The following RANBP3 variants were observed in gnomAD, a reference collection of about 807,000 sequenced individuals.
The protein encoded by RANBP3 is ran-binding protein 3.
RANBP3 carries 14 observed loss-of-function variants against 77.3 expected under a neutral mutation model. The ratio of observed to expected loss-of-function variants is 0.18; its 90% CI spans 0.12 to 0.28. The LOEUF is 0.28. Ranked by LOEUF, RANBP3 falls within the 10% of genes least tolerant of loss-of-function variation. The pLI is 1.00. For missense variants in RANBP3, 586 were observed against 752.3 expected (o/e 0.78, Z 2.59); for synonymous variants, 315 against 312.4 (o/e 1.01, Z -0.09).
At chr19:5,938,085 G>C (rs2058089377) in intron 5 of RANBP3, among the ~76,000 whole-genome samples, 1 of 152,184 alleles carries the variant, frequency 6.6e-6, no homozygotes, top group Non-Finnish European at 1.5e-5. Flanking sequence ...TGCTTTTAGA[G>C]TCAAAATGCC....
chr19:5,967,352 T>C (rs1198398743), intron 1 of RANBP3, among the ~76,000 whole-genome samples: 1 of 152,220 alleles, frequency 6.6e-6, no homozygotes, highest in Non-Finnish European at 1.5e-5. Context: ...ATCTTGGCAT[T>C]ACCTTCAACT....
At chr19:5,968,406 C>T (rs1161121347) in intron 1 of RANBP3, among the ~76,000 whole-genome samples, 1 of 152,200 alleles carries the variant, frequency 6.6e-6, no homozygotes, top group African/African-American at 2.4e-5. Context: ...TATTTCACCC[C>T]AGGCAGCTTC....
chr19:5,945,944 GC>G (rs1250555688), intron 3 of RANBP3, among the ~76,000 whole-genome samples: 2 of 151,714 alleles, frequency 1.3e-5, no homozygotes, highest in African/African-American at 2.4e-5. Flanking sequence ...ATTAGCTCTA[GC>G]CCCCCGAGAA....
chr19:5,949,283 G>C (rs1030460292), intron 3 of RANBP3, among the ~76,000 whole-genome samples: 3 of 152,266 alleles, frequency 2.0e-5, no homozygotes, highest in African/African-American at 4.8e-5. Context: ...CCAAGAAGCA[G>C]TTGGCATCGG....
At chr19:5,956,292 C>A (rs951881548) in intron 2 of RANBP3, among the ~76,000 whole-genome samples, 6 of 152,128 alleles carry the variant, frequency 3.9e-5, no homozygotes, top group Admixed American at 2.0e-4. Flanking sequence ...TATAACATCT[C>A]CAACATAGCT....
intron 8 of RANBP3, 81 bp downstream of exon 8, chr19:5,931,323 T>G: frequency 6.6e-7 from 1 of 1,507,752 alleles, no homozygotes; most frequent in African/African-American, 1.4e-5. Flanking sequence ...GCGTGTGGAC[T>G]CCACAGCATG....
At chr19:5,935,908 G>A (rs1213523148) in intron 5 of RANBP3, 9 of 434,626 alleles carry the variant, frequency 2.1e-5, no homozygotes, top group Non-Finnish European at 4.2e-5. Flanking sequence ...CATACCCAAA[G>A]GGTGTGGGCC....
chr19:5,933,087 G>A (rs578235827), intron 6 of RANBP3: 11 of 342,190 alleles, frequency 3.2e-5, no homozygotes, highest in African/African-American at 2.3e-4. Context: ...GGCGAACACT[G>A]TGGTATGTGG....
At chr19:5,963,059 G>C (rs948193396) in intron 1 of RANBP3, among the ~76,000 whole-genome samples, 4 of 152,320 alleles carry the variant, frequency 2.6e-5, no homozygotes, top group African/African-American at 9.6e-5. Context: ...CACCACTGCA[G>C]ATTTCTAGAG....
At chr19:5,976,011 C>CG (rs2058586735) in intron 1 of RANBP3, among the ~76,000 whole-genome samples, 1 of 151,912 alleles carries the variant, frequency 6.6e-6, no homozygotes, top group Admixed American at 6.6e-5. Context: ...GTGGAGGGAA[C>CG]GGGGGCTAAG....
chr19:5,963,588 A>G (rs1005666859), intron 1 of RANBP3, among the ~76,000 whole-genome samples: 1 of 152,154 alleles, frequency 6.6e-6, no homozygotes, highest in African/African-American at 2.4e-5. Flanking sequence ...ATTTGACCAG[A>G]CGCTTCTCAA....
intron 1 of RANBP3, among the ~76,000 whole-genome samples, chr19:5,976,937 A>AT (rs1198843003): frequency 3.3e-5 from 5 of 152,206 alleles, no homozygotes; most frequent in Non-Finnish European, 7.3e-5. Context: ...CACGCCTTGG[A>AT]TAAGCGACTT....
chr19:5,967,795 T>C (rs1402031172), intron 1 of RANBP3, among the ~76,000 whole-genome samples: 1 of 152,144 alleles, frequency 6.6e-6, no homozygotes, highest in African/African-American at 2.4e-5. Context: ...CCGAGGCATG[T>C]GGATCACTTG....
At chr19:5,973,829 C>T (rs960938474) in intron 1 of RANBP3, among the ~76,000 whole-genome samples, 1 of 152,216 alleles carries the variant, frequency 6.6e-6, no homozygotes, top group Non-Finnish European at 1.5e-5. Flanking sequence ...CTCACAGCAA[C>T]CACGAGGTGG....
At chr19:5,940,516 C>A (rs1431514209) in intron 5 of RANBP3, among the ~76,000 whole-genome samples, 6 of 152,176 alleles carry the variant, frequency 3.9e-5, no homozygotes, top group African/African-American at 1.4e-4. Context: ...AAAGACGCGG[C>A]CATGTCCAAA....
intron 14 of RANBP3, among the ~76,000 whole-genome samples, chr19:5,919,245 C>G (rs1819416873): frequency 6.6e-6 from 1 of 152,228 alleles, no homozygotes; most frequent in African/African-American, 2.4e-5. Context: ...GGCCCTGACT[C>G]TTCTAGAGGA....
At chr19:5,922,439 T>A (rs147839260) in intron 13 of RANBP3, among the ~76,000 whole-genome samples, 1 of 152,208 alleles carries the variant, frequency 6.6e-6, no homozygotes, top group South Asian at 2.1e-4. Flanking sequence ...AGGAAGCACA[T>A]GGATGCTGCC....
At position 5,958,018 on chromosome 19, in the gene RANBP3, A is replaced by G; in HGVS notation, c.23-45T>C. ...TTTTTTTCCCCCCAACACTATATGC[A>G]TACAGTAAACAAAGCTACACTTGTT... is the stretch of plus-strand genomic sequence containing the variant. On this transcript the variant is annotated intron_variant, in intron 1 of 16. Coordinates refer to ENST00000340578, the MANE Select transcript of RANBP3 (RefSeq NM_007322.3). The surrounding 1 kb of genome is among the most constrained non-coding windows in gnomAD (Gnocchi z 4.4). 1.3e-6 allele frequency: 2 copies of G among 1,545,170 alleles called. 1 individual carries two copies. The highest frequency in any genetic ancestry group is 3.4e-5 in the Admixed American group (2 of 59,632).
intron 1 of RANBP3, among the ~76,000 whole-genome samples, chr19:5,976,893 T>TA (rs1383750390): frequency 6.6e-6 from 1 of 152,204 alleles, no homozygotes; most frequent in Non-Finnish European, 1.5e-5. Flanking sequence ...CAGGCCATCT[T>TA]GGTTCACATC....
Sources: gnomAD v4.1 joint callset for allele counts (sites outside exome capture counted in the v4.1 genomes callset) on GRCh38, gnomAD v4.1.1 for gene constraint, Gnocchi (gnomAD v3.1) non-coding constraint, MANE v1.5 for transcripts, NCBI Gene and HGNC (gene_info 2026-07-23, HGNC 2026-07-21) for gene names.